The following MYNN variants were observed in gnomAD, a reference collection of about 807,000 sequenced individuals.
MYNN encodes zinc finger and BTB domain-containing protein 31.
Under a neutral mutation model 57.2 loss-of-function variants are expected in MYNN, and 22 were observed. That is an observed-to-expected ratio of 0.38 (90% CI 0.27 to 0.55). The LOEUF is 0.55. Among genes scored for constraint, MYNN ranks in the 20% least tolerant of loss-of-function variants. The probability of loss-of-function intolerance (pLI) is 0.71; values close to 1 mark genes in which losing one functional copy is unlikely to be tolerated. For missense variants in MYNN, 566 were observed against 723.1 expected, an observed-to-expected ratio of 0.78 and a Z score of 2.49; for synonymous variants, 241 against 257.1, an observed-to-expected ratio of 0.94 and a Z score of 0.60.
In MYNN at chr3:169,789,193, T is replaced by C. The variant is rs1170791150; in HGVS notation, c.*2515T>C. ...CTGTTTTTAAATGGCATTTGTCTTA[T>C]GTTTAATTTCACAGGATGATTTTGA... On this transcript the variant is annotated 3_prime_UTR_variant, in exon 8 of 8. Transcript: ENST00000349841. 1 of 152,232 alleles carries C rather than the reference T, an allele frequency of 6.6e-6. No individual in the cohort carries two copies. Among genetic ancestry groups the C allele is most frequent in the African/African-American group, 2.4e-5 (1 of 41,468 alleles). The allele number at this position is 152,232 out of a possible 1,614,324, so 9.4% of individuals were successfully genotyped here. A position where few individuals can be genotyped will look rare whatever the true frequency, so the allele number is the denominator to read the frequency against.
At chr3:169,784,542 G>A in intron 6 of MYNN, 80 bp from the exon 7 acceptor site, 1 of 901,152 alleles carries the variant, frequency 1.1e-6, no homozygotes, top group African/African-American at 1.7e-5. Context: ...TTTTTGCCTT[G>A]TGTTCATAAA....
In MYNN at chr3:169,779,196, A is replaced by C. The variant is rs750758184; in HGVS notation, c.695A>C (p.Asn232Thr). 3.7e-6 allele frequency: 6 copies of C among 1,614,206 alleles called. No homozygotes were observed. Among genetic ancestry groups the C allele is most frequent in the Non-Finnish European group, 5.1e-6 (6 of 1,180,034 alleles). ...VVEQVAQIND[N>T]SELELTSVVE... ...GAACAAGTTGCACAAATAAATGATA[A>C]TTCAGAACTCGAGTTGACATCAGTT... The change falls in exon 3 of 8, where the codon AAT becomes ACT. Residue 232 changes from asparagine (N) to threonine (T), a missense_variant. Asn to Thr is a moderately conservative substitution (Grantham distance 65). This residue lies in a region of MYNN where 261 missense variants were observed against 280.8 expected (regional missense o/e 0.93). Coordinates refer to ENST00000349841, the MANE Select transcript of MYNN (RefSeq NM_018657.5).
chr3:169,780,834 C>A, intron 4 of MYNN, 85 bp downstream of exon 4: 1 of 1,124,346 alleles, frequency 8.9e-7, no homozygotes, highest in South Asian at 1.9e-5. Context: ...GAATTCAGGA[C>A]AGTAGAATTG....
Position 169,778,803 on chromosome 3 carries a change from A to G in MYNN, c.302A>G (p.Tyr101Cys). The change falls in exon 3 of 8, where the codon TAT (tyrosine) becomes TGT (cysteine). Residue 101 changes from tyrosine (Y) to cysteine (C), a missense_variant. By Grantham distance (194) the Tyr-to-Cys change is radical. Transcript: ENST00000349841. ...AAAGAAATTCATCAGGCTGCTGACT[A>G]TCTCAAAGTGGAAGAGGTGGTCACT... is the stretch of plus-strand genomic sequence containing the variant. ...NVKEIHQAADYLKVEEVVTKC... is the reference protein window; with the variant it reads ...NVKEIHQAADCLKVEEVVTKC... 1 of 1,608,380 alleles carries G rather than the reference A, an allele frequency of 6.2e-7. No homozygotes were observed. The highest frequency in any genetic ancestry group is 8.5e-7 in the Non-Finnish European group (1 of 1,177,832).
intron 6 of MYNN, 45 bp downstream of exon 6, chr3:169,783,605 T>G: frequency 1.5e-6 from 2 of 1,361,914 alleles, no homozygotes; most frequent in Non-Finnish European, 2.1e-6. Context: ...CTCTCTTAAT[T>G]TCTTTTTATG....
rs1778732294 is a variant in MYNN at position 169,788,378 on chromosome 3, C to T, written c.*1700C>T. ...CAAGTTAAAATAGTGGGTTTAAATA[C>T]AATTTACAAAGCATTAGAATGTTAC... is the stretch of plus-strand genomic sequence containing the variant. On this transcript the variant is annotated 3_prime_UTR_variant, in exon 8 of 8. Transcript: ENST00000349841. 1 of 152,026 alleles carries T rather than the reference C, an allele frequency of 6.6e-6. No individual in the cohort carries two copies. The highest frequency in any genetic ancestry group is 6.6e-5 in the Admixed American group (1 of 15,256). The allele number at this position is 152,026 out of a possible 1,614,324, so 9.4% of individuals were successfully genotyped here.
intron 7 of MYNN, among the ~76,000 whole-genome samples, chr3:169,785,937 G>A (rs1307130097): frequency 6.6e-6 from 1 of 152,032 alleles, no homozygotes; most frequent in Non-Finnish European, 1.5e-5. Flanking sequence ...TGAACTCACA[G>A]AATAATATGA....
Position 169,786,958 on chromosome 3 carries a change from A to G in MYNN, c.*280A>G, listed in dbSNP as rs983326254. On this transcript the variant is annotated 3_prime_UTR_variant, in exon 8 of 8. Transcript: ENST00000349841. ...TTAAAGCTGCCTTAATTCCATTTTT[A>G]TTTTGCATTTTAGAATTGCCCTTCA... The G allele has an allele frequency of 3.3e-6, 1 of 300,986 alleles. No homozygotes were observed. The highest frequency in any genetic ancestry group is 2.1e-5 in the African/African-American group (1 of 46,842). The allele number at this position is 300,986 out of a possible 1,614,324, so 18.6% of individuals were successfully genotyped here.
At chr3:169,778,747 T>C (rs776529184) in intron 2 of MYNN, 21 bp from the exon 3 acceptor site, 6 of 1,562,060 alleles carry the variant, frequency 3.8e-6, no homozygotes, top group East Asian at 2.2e-5. Flanking sequence ...AATATTGTCA[T>C]GTAGCCTTGT....
chr3:169,775,059 C>T (rs1778294861), intron 2 of MYNN, among the ~76,000 whole-genome samples: 1 of 152,048 alleles, frequency 6.6e-6, no homozygotes, highest in Non-Finnish European at 1.5e-5. Flanking sequence ...AGGCTGCAAA[C>T]AAAAAATTCT....
chr3:169,781,392 C>T (rs1478444160), intron 4 of MYNN, among the ~76,000 whole-genome samples: 1 of 152,152 alleles, frequency 6.6e-6, no homozygotes, highest in Non-Finnish European at 1.5e-5. Flanking sequence ...AATTGGTTAT[C>T]TAAGTCTGCA....
intron 2 of MYNN, among the ~76,000 whole-genome samples, chr3:169,775,826 C>T (rs1360245651): frequency 6.6e-6 from 1 of 152,014 alleles, no homozygotes; most frequent in Non-Finnish European, 1.5e-5. Context: ...AAAATCTTTC[C>T]CTCCCTTTTA....
At chr3:169,779,628 G>T (rs1778452363) in intron 3 of MYNN, 67 bp downstream of exon 3, 1 of 1,476,086 alleles carries the variant, frequency 6.8e-7, no homozygotes, top group Non-Finnish European at 9.2e-7. Flanking sequence ...TTTATAGAGA[G>T]TACTTAGCAC....
chr3:169,786,288 G>A, intron 7 of MYNN, 128 bp from the exon 8 acceptor site: 1 of 886,120 alleles, frequency 1.1e-6, no homozygotes, highest in Non-Finnish European at 1.7e-6. Context: ...ATGTACAAAA[G>A]AGAAACCGCT....
At chr3:169,783,624 G>A in intron 6 of MYNN, 64 bp downstream of exon 6, 2 of 1,155,886 alleles carry the variant, frequency 1.7e-6, no homozygotes, top group Non-Finnish European at 2.6e-6. Context: ...TGTAAACCTT[G>A]ACTTTTAAGC....
chr3:169,789,292 G>A lies in MYNN; in HGVS notation c.*2614G>A, dbSNP rs1302093097. On this transcript the variant is annotated 3_prime_UTR_variant, in exon 8 of 8. Transcript: ENST00000349841. ...TTCATTCCAACAGTAGCTAATTTCT[G>A]TGTTTCAGTCCTACAGAAATTGTGT... 1 of 152,070 alleles carries A rather than the reference G, an allele frequency of 6.6e-6. No homozygotes were observed. Among genetic ancestry groups the A allele is most frequent in the Non-Finnish European group, 1.5e-5 (1 of 67,996 alleles). The allele number at this position is 152,070 out of a possible 1,614,324, so 9.4% of individuals were successfully genotyped here.
chr3:169,776,889 AC>A (rs1778363623), intron 2 of MYNN, among the ~76,000 whole-genome samples: 1 of 151,926 alleles, frequency 6.6e-6, no homozygotes, highest in African/African-American at 2.4e-5. Context: ...TTTTGTAGAT[AC>A]GGGGTTTTAC....
In MYNN at chr3:169,782,324, C is replaced by A; in HGVS notation, c.1221-141C>A. On this transcript the variant is annotated intron_variant, in intron 4 of 7. Transcript: ENST00000349841. This position sits in a 1 kb window ranked among gnomAD's most constrained non-coding sequence, Gnocchi z 4.8. ...ATATTTGTTTTTGGCAGTGTTTACA[C>A]TGAAACAACTACTGATTTTAAATAC... 1.7e-6 allele frequency: 1 copy of A among 602,614 alleles called. No homozygotes were observed. Among genetic ancestry groups the A allele is most frequent in the Non-Finnish European group, 2.7e-6 (1 of 372,920 alleles). The allele number at this position is 602,614 out of a possible 1,614,324, so 37.3% of individuals were successfully genotyped here.
At position 169,774,444 on chromosome 3, in the gene MYNN, G is replaced by A. The variant is rs758173459; in HGVS notation, c.149G>A (p.Gly50Asp). Residue 50 changes from glycine (G) to aspartate (D), a missense_variant, in exon 2 of 8, where the codon GGT (glycine) becomes GAT (aspartate). Transcript: ENST00000349841. ...CTGGCCTCCTTTAGTGAGTATTTTG[G>A]TGCGATCTACAGAAGCACTTCTGAG... ...NVLASFSEYFGAIYRSTSENN... is the reference protein window; with the variant it reads ...NVLASFSEYFDAIYRSTSENN... 1 of 1,614,106 alleles carries A rather than the reference G, an allele frequency of 6.2e-7. No individual in the cohort carries two copies. The highest frequency in any genetic ancestry group is 8.5e-7 in the Non-Finnish European group (1 of 1,180,022).
Sources: gnomAD v4.1 joint callset for allele counts (sites outside exome capture counted in the v4.1 genomes callset) on GRCh38, gnomAD v4.1.1 for gene constraint, gnomAD v4.1.1 regional missense constraint, Gnocchi (gnomAD v3.1) non-coding constraint, MANE v1.5 for transcripts, NCBI Gene and HGNC (gene_info 2026-07-23, HGNC 2026-07-21) for gene names.